Variants in ANXA10 observed in about 807,000 individuals in gnomAD.
The protein encoded by ANXA10 is annexin 14.
Under a neutral mutation model 53.5 loss-of-function variants are expected in ANXA10, and 49 were observed. The ratio of observed to expected loss-of-function variants is 0.92; its 90% CI spans 0.73 to 1.16. ANXA10 has a LOEUF of 1.16. Among genes scored for constraint, ANXA10 ranks in the 50% most tolerant of loss-of-function variants. The probability of loss-of-function intolerance (pLI) is 0.00; values close to 1 mark genes in which losing one functional copy is unlikely to be tolerated. For missense variants in ANXA10, 393 were observed against 394.4 expected (o/e 1.00, Z 0.03); for synonymous variants, 131 against 128.9 (o/e 1.02, Z -0.11).
At chr4:168,140,704 C>T (rs1467992694) in intron 3 of ANXA10, among the ~76,000 whole-genome samples, 10 of 152,084 alleles carry the variant, frequency 6.6e-5, no homozygotes, top group East Asian at 3.9e-4. Context: ...CTGCAACCTC[C>T]GCCTCCTGGG....
intron 1 of ANXA10, among the ~76,000 whole-genome samples, chr4:168,114,331 T>C (rs537837812): frequency 1.3e-5 from 2 of 152,276 alleles, no homozygotes; most frequent in African/African-American, 4.8e-5. Context: ...TGGAGTGCAG[T>C]GGTGCAGTCT....
intron 1 of ANXA10, 65 bp downstream of exon 1, chr4:168,092,783 T>C (rs1402319102): frequency 1.4e-6 from 2 of 1,403,026 alleles, no homozygotes; most frequent in Non-Finnish European, 1.9e-6. Flanking sequence ...TAAAATTTCA[T>C]TTGTGTTTTT....
At chr4:168,109,658 T>G (rs1379431928) in intron 1 of ANXA10, among the ~76,000 whole-genome samples, 1 of 152,218 alleles carries the variant, frequency 6.6e-6, no homozygotes, top group Non-Finnish European at 1.5e-5. Flanking sequence ...AGCTGACAGA[T>G]GAATCTGAAG....
chr4:168,134,625 T>G (rs550271704), intron 2 of ANXA10, among the ~76,000 whole-genome samples: 4 of 152,332 alleles, frequency 2.6e-5, no homozygotes, highest in Non-Finnish European at 5.9e-5. Context: ...CTACTGGTTT[T>G]GTTTTGTTTT....
At chr4:168,158,946 G>A (rs139579831) in intron 3 of ANXA10, among the ~76,000 whole-genome samples, 5 of 152,232 alleles carry the variant, frequency 3.3e-5, no homozygotes, top group Admixed American at 6.6e-5. Context: ...GAGCCTGGCA[G>A]CTCCTCCCTC....
intron 3 of ANXA10, among the ~76,000 whole-genome samples, chr4:168,145,610 C>G (rs1471277778): frequency 6.6e-6 from 1 of 152,144 alleles, no homozygotes; most frequent in African/African-American, 2.4e-5. Context: ...ACTAAATTAT[C>G]CTTTCAGTAT....
At chr4:168,136,088 AACTC>A (rs1272066290) in intron 2 of ANXA10, among the ~76,000 whole-genome samples, 3 of 152,010 alleles carry the variant, frequency 2.0e-5, no homozygotes, top group African/African-American at 4.8e-5. Context: ...ATCTCATGAG[AACTC>A]ACTCACTATC....
At chr4:168,154,832 T>G (rs1302442951) in intron 3 of ANXA10, among the ~76,000 whole-genome samples, 1 of 152,150 alleles carries the variant, frequency 6.6e-6, no homozygotes, top group Non-Finnish European at 1.5e-5. Flanking sequence ...CTCACAGGGT[T>G]GTTGTAATAA....
chr4:168,155,910 T>TGACATATAATATAA (rs528248963), intron 3 of ANXA10, among the ~76,000 whole-genome samples: 1 of 2,214 alleles, frequency 4.5e-4, no homozygotes, highest in African/African-American at 1.3e-3. Context: ...ATATCATATA[T>TGACATATAATATAA]TATATTATAT....
intron 2 of ANXA10, 124 bp from the exon 3 acceptor site, chr4:168,139,362 T>G: frequency 1.6e-6 from 1 of 634,986 alleles, no homozygotes; most frequent in South Asian, 2.8e-5. Context: ...TAGTTAAAAT[T>G]GTTCCCTGCT....
At chr4:168,111,992 T>G (rs1730816488) in intron 1 of ANXA10, among the ~76,000 whole-genome samples, 1 of 152,120 alleles carries the variant, frequency 6.6e-6, no homozygotes, top group Non-Finnish European at 1.5e-5. Context: ...AGTGGTATAT[T>G]ATGAAAAAGA....
chr4:168,157,492 T>C (rs1202602727), intron 3 of ANXA10, among the ~76,000 whole-genome samples: 1 of 152,094 alleles, frequency 6.6e-6, no homozygotes, highest in Non-Finnish European at 1.5e-5. Context: ...GGTGTTGAAC[T>C]CCTGACCTGA....
At chr4:168,130,909 C>T in intron 2 of ANXA10, among the ~76,000 whole-genome samples, 1 of 151,482 alleles carries the variant, frequency 6.6e-6, no homozygotes, top group Admixed American at 6.6e-5. Context: ...AGCTAAAGCC[C>T]TATAAATTTT....
In ANXA10 at chr4:168,162,608, G is replaced by GT. The variant is rs766241479; in HGVS notation, c.277dup (p.Tyr93LeufsTer2). 8 of 1,613,936 alleles carry GT rather than the reference G, an allele frequency of 5.0e-6. No homozygotes were observed. In the South Asian group the frequency reaches 7.7e-5, roughly 16 times the overall value. On this transcript the variant is annotated frameshift_variant, in exon 4 of 12. Coordinates refer to ENST00000359299, the MANE Select transcript of ANXA10 (RefSeq NM_007193.5). LOFTEE classifies it high-confidence loss of function. ...CTGGCCTCATGTACCCACCACCACT[G>GT]TATGATGCTCATGAGCTCTGGCATG... is the stretch of plus-strand genomic sequence containing the variant.
At chr4:168,128,529 T>C (rs1261411089) in intron 2 of ANXA10, among the ~76,000 whole-genome samples, 1 of 152,174 alleles carries the variant, frequency 6.6e-6, no homozygotes, top group Non-Finnish European at 1.5e-5. Flanking sequence ...TATTTGCTAT[T>C]TCCACTTCCA....
intron 1 of ANXA10, among the ~76,000 whole-genome samples, chr4:168,105,876 C>T (rs1490247388): frequency 6.6e-6 from 1 of 152,022 alleles, no homozygotes; most frequent in Non-Finnish European, 1.5e-5. Flanking sequence ...CAGTGATAAG[C>T]TTTTTTTCAT....
chr4:168,154,134 G>T (rs1731560043), intron 3 of ANXA10, among the ~76,000 whole-genome samples: 1 of 152,100 alleles, frequency 6.6e-6, no homozygotes. Context: ...GAAATATGTT[G>T]TGATACATGT....
chr4:168,115,363 A>G (rs1730875905), intron 1 of ANXA10, among the ~76,000 whole-genome samples: 1 of 152,172 alleles, frequency 6.6e-6, no homozygotes, highest in African/African-American at 2.4e-5. Context: ...ATGGGTTTAC[A>G]CAGGGGTTGT....
chr4:168,112,627 G>C (rs1410300433), intron 1 of ANXA10, among the ~76,000 whole-genome samples: 1 of 152,018 alleles, frequency 6.6e-6, no homozygotes, highest in Admixed American at 6.5e-5. Flanking sequence ...CCTTCATATG[G>C]AAGACTAGTC....
Sources: gnomAD v4.1 joint callset for allele counts (sites outside exome capture counted in the v4.1 genomes callset) on GRCh38, gnomAD v4.1.1 for gene constraint, MANE v1.5 for transcripts, NCBI Gene and HGNC (gene_info 2026-07-23, HGNC 2026-07-21) for gene names.